Variants in FBXO34 observed in about 807,000 individuals in gnomAD.
FBXO34 encodes the protein F-box only protein 34.
FBXO34 carries 12 observed loss-of-function variants against 24.5 expected under a neutral mutation model. The ratio of observed to expected loss-of-function variants is 0.49; its 90% CI spans 0.31 to 0.79. The LOEUF is 0.79. Among genes scored for constraint, FBXO34 ranks in the 30% least tolerant of loss-of-function variants. The pLI, the probability that FBXO34 is intolerant of heterozygous loss-of-function variation, is 0.04. For synonymous variants in FBXO34, 320 were observed against 311.9 expected (o/e 1.03, Z -0.27); for missense variants, 823 against 857.7 (o/e 0.96, Z 0.51).
At chr14:55,427,495 C>T in the FBXO34 span, among the ~76,000 whole-genome samples, 4 of 152,238 alleles carry the variant, frequency 2.6e-5, no homozygotes, top group African/African-American at 4.8e-5. Context: ...ACTCTATTGA[C>T]GGGATAATCA....
At chr14:55,296,382 G>GTGTT (rs1882122432) in intron 1 of FBXO34, among the ~76,000 whole-genome samples, 2 of 95,824 alleles carry the variant, frequency 2.1e-5, no homozygotes, top group African/African-American at 7.6e-5. Flanking sequence ...CTGTTCTTGT[G>GTGTT]TTTTTTTTGT....
At chr14:55,338,795 A>G (rs201255247) in intron 1 of FBXO34, among the ~76,000 whole-genome samples, 1 of 151,976 alleles carries the variant, frequency 6.6e-6, no homozygotes, top group Non-Finnish European at 1.5e-5. Flanking sequence ...AGTCCCAGCT[A>G]CTCGGGAGGC....
At position 55,351,817 on chromosome 14, in the gene FBXO34, A is replaced by G. The variant is rs1884393693; in HGVS notation, c.1427A>G (p.Asp476Gly). Residue 476 changes from aspartate (D) to glycine (G), a missense_variant, in exon 2 of 2, where the codon GAC becomes GGC. By Grantham distance (94) the Asp-to-Gly change is moderately conservative. Around this residue, in one of 2 missense-constraint regions of FBXO34, gnomAD observed 693 missense variants for 659.1 expected, o/e 1.05. Transcript: ENST00000313833. ...DQPSILNSCEDPVPGMLFFLP... is the reference protein window; with the variant it reads ...DQPSILNSCEGPVPGMLFFLP... ...CCTTCCATTTTAAACTCCTGTGAAG[A>G]CCCAGTTCCAGGGATGTTGTTTTTT... 2 of 1,614,016 alleles carry G rather than the reference A, an allele frequency of 1.2e-6. No homozygotes were observed. Among genetic ancestry groups the G allele is most frequent in the Non-Finnish European group, 1.7e-6 (2 of 1,180,018 alleles).
intron 1 of FBXO34, among the ~76,000 whole-genome samples, chr14:55,314,796 G>C (rs1328354532): frequency 6.6e-6 from 1 of 152,128 alleles, no homozygotes; most frequent in Non-Finnish European, 1.5e-5. Flanking sequence ...GTTTTTCATT[G>C]AAGTATTAAA....
At chr14:55,377,913 A>T in the FBXO34 span, 2 of 1,598,012 alleles carry the variant, frequency 1.3e-6, no homozygotes, top group Non-Finnish European at 1.7e-6. Flanking sequence ...TGCTAAAAAA[A>T]ATTAAAGAAT....
chr14:55,331,779 ACCACCATGGTG>A (rs1271987661), intron 1 of FBXO34, among the ~76,000 whole-genome samples: 1 of 73,762 alleles, frequency 1.4e-5, no homozygotes, highest in African/African-American at 6.8e-5. Context: ...ATATATATAT[ACCACCATGGTG>A]TATATATAAA....
intron 1 of FBXO34, chr14:55,285,298 A>C (rs1881720119): frequency 6.6e-6 from 1 of 150,932 alleles, no homozygotes; most frequent in Admixed American, 6.7e-5. Flanking sequence ...TGAACCCAGG[A>C]GGCAGAGGTT....
chr14:55,351,574 C>A lies in FBXO34; in HGVS notation c.1184C>A (p.Thr395Asn). 1.2e-6 allele frequency: 2 copies of A among 1,614,182 alleles called. No individual in the cohort carries two copies. The highest frequency in any genetic ancestry group is 2.2e-5 in the South Asian group (2 of 91,086). ...GCAGAGTTAGAGCCGGGTTCGCAAA[C>A]TGCCGTGAAAAACAGCAACAGATAT... ...DSAELEPGSQ[T>N]AVKNSNRYDV... The change falls in exon 2 of 2, where the codon ACT becomes AAT. Residue 395 changes from threonine to asparagine, a missense_variant. Thr to Asn is a moderately conservative substitution (Grantham distance 65, BLOSUM62 0). Transcript: ENST00000313833.
chr14:55,378,630 A>T, the FBXO34 span, among the ~76,000 whole-genome samples: 1 of 151,610 alleles, frequency 6.6e-6, no homozygotes, highest in South Asian at 2.1e-4. Context: ...TCCCTCCCTC[A>T]GTTCCCCTAT....
chr14:55,435,745 T>G, the FBXO34 span: 2 of 894,184 alleles, frequency 2.2e-6, no homozygotes, highest in East Asian at 6.2e-5. Flanking sequence ...CAGTAACAAT[T>G]TTTTAAGAAA....
the FBXO34 span, among the ~76,000 whole-genome samples, chr14:55,420,015 C>A: frequency 2.0e-5 from 3 of 152,284 alleles, no homozygotes; most frequent in East Asian, 5.8e-4. Flanking sequence ...GAAAGGAGAC[C>A]GCCTTGGTTC....
the FBXO34 span, among the ~76,000 whole-genome samples, chr14:55,434,378 C>T: frequency 1.3e-5 from 2 of 152,122 alleles, no homozygotes; most frequent in Admixed American, 6.5e-5. Flanking sequence ...GCCACATGGA[C>T]GTGTCATCAA....
chr14:55,399,688 AG>A, the FBXO34 span, among the ~76,000 whole-genome samples: 4 of 152,262 alleles, frequency 2.6e-5, no homozygotes, highest in Non-Finnish European at 1.5e-5. Flanking sequence ...GTGAGACAAC[AG>A]GGTGATTTAT....
Position 55,350,456 on chromosome 14 carries a change from G to T in FBXO34, c.66G>T (p.Thr22=), listed in dbSNP as rs773607472. The part of the protein sequence containing the change: ...KEHPPEVSRE[T]QRTPMNHQKA... ...ACCCCCCGGAAGTCAGCAGGGAAACGCAGAGAACTCCTATGAACCACCAAA... is the reference window on the plus strand; with the variant it reads ...ACCCCCCGGAAGTCAGCAGGGAAACTCAGAGAACTCCTATGAACCACCAAA... Residue 22 remains threonine, a synonymous_variant, in exon 2 of 2, where the codon ACG becomes ACT. Coordinates refer to ENST00000313833, the MANE Select transcript of FBXO34 (RefSeq NM_017943.4). 5.0e-6 allele frequency: 8 copies of T among 1,611,374 alleles called. No individual in the cohort carries two copies. Among genetic ancestry groups the T allele is most frequent in the Admixed American group, 1.7e-5 (1 of 59,146 alleles).
the FBXO34 span, among the ~76,000 whole-genome samples, chr14:55,408,917 G>C: frequency 6.6e-6 from 1 of 152,170 alleles, no homozygotes; most frequent in Non-Finnish European, 1.5e-5. Context: ...ATGAGGCTTC[G>C]TATGCCATAG....
At chr14:55,397,943 CTTTTTT>C in the FBXO34 span, among the ~76,000 whole-genome samples, 1 of 105,558 alleles carries the variant, frequency 9.5e-6, no homozygotes, top group African/African-American at 3.9e-5. Flanking sequence ...TGCAGTAATT[CTTTTTT>C]TTTTTTTTTT....
At chr14:55,323,184 C>CAAAAAAAAA (rs368380622) in intron 1 of FBXO34, among the ~76,000 whole-genome samples, 4 of 12,160 alleles carry the variant, frequency 3.3e-4, no homozygotes, top group Non-Finnish European at 3.8e-4. Flanking sequence ...GACTCTGTCT[C>CAAAAAAAAA]AAAAAAAAAA....
At chr14:55,295,675 C>A (rs945801937) in intron 1 of FBXO34, among the ~76,000 whole-genome samples, 2 of 151,710 alleles carry the variant, frequency 1.3e-5, no homozygotes, top group Admixed American at 6.5e-5. Flanking sequence ...GGATTATAGG[C>A]ATGAGCCACT....
chr14:55,294,510 C>T (rs892566052), intron 1 of FBXO34, among the ~76,000 whole-genome samples: 1 of 152,214 alleles, frequency 6.6e-6, no homozygotes. Context: ...GCCTTGGCCT[C>T]CCAGAGTGTT....
Sources: gnomAD v4.1 joint callset for allele counts (sites outside exome capture counted in the v4.1 genomes callset) on GRCh38, gnomAD v4.1.1 for gene constraint, gnomAD v4.1.1 regional missense constraint, MANE v1.5 for transcripts, NCBI Gene and HGNC (gene_info 2026-07-23, HGNC 2026-07-21) for gene names.